TMEM232: variants seen among roughly 807,000 people sequenced by gnomAD.
The protein encoded by TMEM232 is transmembrane protein 232.
In TMEM232, 80 loss-of-function variants were observed where a neutral mutation model predicts 78.8. The observed-to-expected ratio is 1.01, with a 90% CI of 0.85 to 1.22. TMEM232 has a LOEUF of 1.22. TMEM232 is among the 50% of genes most tolerant of loss of function. The pLI, the probability that TMEM232 is intolerant of heterozygous loss-of-function variation, is 0.00. For missense variants in TMEM232, 881 were observed against 742.2 expected, an observed-to-expected ratio of 1.19 and a Z score of -2.17; for synonymous variants, 297 against 254.3, an observed-to-expected ratio of 1.17 and a Z score of -1.60.
In TMEM232 at chr5:110,611,973, G is replaced by A. The variant is rs114167652; in HGVS notation, c.903-5686C>T. Among the ~76,000 whole-genome samples, 353 of 152,234 alleles carry A rather than the reference G, an allele frequency of 2.3e-3. 2 individuals are homozygous for A. The highest frequency in any genetic ancestry group is 7.9e-3 in the African/African-American group (327 of 41,540). On this transcript the variant is annotated intron_variant, in intron 8 of 13. Coordinates refer to ENST00000455884, the MANE Select transcript of TMEM232 (RefSeq NM_001039763.4). ...AAGATGTCTGATTTGGTTAGCTGGA[G>A]GAAAGGACACGACGACGTGTACTGA...
At position 110,492,092 on chromosome 5, in the gene TMEM232, T is replaced by C. The variant is rs568456087; in HGVS notation, c.1703+36496A>G. On this transcript the variant is annotated intron_variant, in intron 12 of 13. Coordinates refer to ENST00000455884, the MANE Select transcript of TMEM232 (RefSeq NM_001039763.4). ...TTGTACAAAAACCTTGAGAGAATAA[T>C]ACCTAATGCTAAATGACGAGTTAAT... Among the ~76,000 whole-genome samples, 343 of 151,704 alleles carry C rather than the reference T, an allele frequency of 2.3e-3. 1 individual carries two copies. The highest frequency in any genetic ancestry group is 8.1e-3 in the African/African-American group (335 of 41,442).
chr5:110,398,652 T>C (rs762926778), intron 2 of TMEM232, among the ~76,000 whole-genome samples: 4 of 152,180 alleles, frequency 2.6e-5, no homozygotes, highest in Non-Finnish European at 5.9e-5. Flanking sequence ...TCTCAGAACA[T>C]GTCCAGATGC....
chr5:110,714,599 T>C (rs561151617), intron 1 of TMEM232, among the ~76,000 whole-genome samples: 53 of 152,266 alleles, frequency 3.5e-4, no homozygotes, highest in Admixed American at 1.6e-3. Context: ...CAATGTCCAA[T>C]ACACAATGTG....
intron 5 of TMEM232, chr5:110,387,449 ATTTT>A (rs1755033572): frequency 6.6e-6 from 1 of 152,180 alleles, no homozygotes; most frequent in African/African-American, 2.4e-5. Flanking sequence ...CATAGAGAAA[ATTTT>A]ATTTAGTTAT....
chr5:110,730,450 A>T (rs899867192), upstream of TMEM232, among the ~76,000 whole-genome samples: 3 of 152,186 alleles, frequency 2.0e-5, no homozygotes, highest in Non-Finnish European at 4.4e-5. Context: ...TGTATAACTT[A>T]ATTGTAAATA....
chr5:110,573,783 A>C (rs1039061151), intron 10 of TMEM232, among the ~76,000 whole-genome samples: 5 of 152,110 alleles, frequency 3.3e-5, no homozygotes, highest in Admixed American at 1.3e-4. Flanking sequence ...TGAAGGAACA[A>C]GGGAAAAGCA....
At chr5:110,477,853 T>C (rs1763424791) in intron 12 of TMEM232, among the ~76,000 whole-genome samples, 1 of 151,852 alleles carries the variant, frequency 6.6e-6, no homozygotes, top group African/African-American at 2.4e-5. Flanking sequence ...TCTTCTACTC[T>C]GAAAATGTAA....
chr5:110,564,277 G>A (rs912542555), intron 11 of TMEM232, among the ~76,000 whole-genome samples: 9 of 151,760 alleles, frequency 5.9e-5, no homozygotes, highest in Admixed American at 6.6e-5. Flanking sequence ...CTCAAAATAA[G>A]ACGTAAGAAA....
rs538016271 is a variant in TMEM232, at chr5:110,692,834, C to T, written c.-12-25470G>A. On this transcript the variant is annotated intron_variant, in intron 1 of 13. Coordinates refer to ENST00000455884, the MANE Select transcript of TMEM232 (RefSeq NM_001039763.4). The stretch of plus-strand genomic sequence containing the variant: ...GAACTGGGTAGAGCCCATCACAGCT[C>T]AAGGAGGCTGGCCTGCCTGCCTCTG... Among the ~76,000 whole-genome samples, 7 of 152,302 alleles carry T rather than the reference C, an allele frequency of 4.6e-5. No individual in the cohort carries two copies. The South Asian group carries it at 1.4e-3, about 32-fold the overall frequency.
downstream of TMEM232, among the ~76,000 whole-genome samples, chr5:110,419,387 C>T (rs1756435527): frequency 6.6e-6 from 1 of 152,112 alleles, no homozygotes. Context: ...TTATTGTTAT[C>T]TTAAACAAAG....
chr5:110,399,783 A>C (rs1755525352), intron 2 of TMEM232, among the ~76,000 whole-genome samples: 1 of 152,152 alleles, frequency 6.6e-6, no homozygotes, highest in Non-Finnish European at 1.5e-5. Context: ...GTTTAGATCC[A>C]AGACAAATTC....
At position 110,654,480 on chromosome 5, in the gene TMEM232, G is replaced by T. The variant is rs558346368; in HGVS notation, c.126-12109C>A. ...GTTGTAGATATGTGGTGCTATTTCT[G>T]AGGGCTCTGTTCTATTCCATTGATC... On this transcript the variant is annotated intron_variant, in intron 2 of 13. Coordinates refer to ENST00000455884, the MANE Select transcript of TMEM232 (RefSeq NM_001039763.4). Among the ~76,000 whole-genome samples, 3 of 152,242 alleles carry T rather than the reference G, an allele frequency of 2.0e-5. No individual in the cohort carries two copies. The South Asian group carries it at 6.2e-4, about 32-fold the overall frequency.
intron 4 of TMEM232, among the ~76,000 whole-genome samples, chr5:110,639,505 T>G (rs185935682): frequency 1.3e-5 from 2 of 152,296 alleles, no homozygotes; most frequent in East Asian, 1.9e-4. Flanking sequence ...TCTAGTTCCC[T>G]CTCATGTGCA....
chr5:110,721,754 A>AT (rs775467611), intron 1 of TMEM232, among the ~76,000 whole-genome samples: 223 of 144,018 alleles, frequency 1.5e-3, no homozygotes, highest in Non-Finnish European at 3.5e-4. Flanking sequence ...GAGCAGCTCC[A>AT]TTTTTACCTG....
Position 110,618,430 on chromosome 5 carries a change from A to G in TMEM232, c.901T>C (p.Trp301Arg). The change falls in exon 8 of 14, where the codon TGG (tryptophan) becomes CGG (arginine). Residue 301 changes from tryptophan to arginine, a missense_variant and splice_region_variant. Physicochemically the swap from Trp to Arg is moderately radical, Grantham distance 101. Coordinates refer to ENST00000455884, the MANE Select transcript of TMEM232 (RefSeq NM_001039763.4). ...TTGGATTTATAGGATCACTCTTACC[A>G]GCATTTCTTTTGAAGCTGTGTCTTA... Reference protein sequence around the residue: ...FHKTQLQKKCWLDSVLALLVL... With the variant: ...FHKTQLQKKCRLDSVLALLVL... 6.4e-7 allele frequency: 1 copy of G among 1,550,506 alleles called. No individual in the cohort carries two copies. The highest frequency in any genetic ancestry group is 8.7e-7 in the Non-Finnish European group (1 of 1,146,564).
At chr5:110,619,155 C>A (rs1159792058) in intron 7 of TMEM232, among the ~76,000 whole-genome samples, 1 of 152,066 alleles carries the variant, frequency 6.6e-6, no homozygotes, top group Non-Finnish European at 1.5e-5. Context: ...ACATAGCACT[C>A]TCTGAATTTT....
chr5:110,440,497 C>A (rs1413437124), intron 12 of TMEM232, among the ~76,000 whole-genome samples: 1 of 152,048 alleles, frequency 6.6e-6, no homozygotes, highest in African/African-American at 2.4e-5. Context: ...AATGATATTT[C>A]AAATATGGAA....
chr5:110,699,121 C>T (rs1795160353), intron 1 of TMEM232, among the ~76,000 whole-genome samples: 2 of 152,000 alleles, frequency 1.3e-5, no homozygotes, highest in African/African-American at 4.8e-5. Context: ...TACTTAAGGT[C>T]CTCTGGGAAA....
At chr5:110,515,973 C>T (rs1047269115) in intron 12 of TMEM232, among the ~76,000 whole-genome samples, 2 of 152,210 alleles carry the variant, frequency 1.3e-5, no homozygotes, top group Non-Finnish European at 2.9e-5. Context: ...GGCACGGTGG[C>T]TCACGCCTGT....
Sources: allele counts gnomAD v4.1 joint callset (sites outside exome capture counted in the v4.1 genomes callset), GRCh38; gene constraint gnomAD v4.1.1; transcripts MANE v1.5; gene names NCBI Gene and HGNC (gene_info 2026-07-23, HGNC 2026-07-21).